The following CD72 variants were observed in gnomAD, a reference collection of about 807,000 sequenced individuals.
CD72 encodes CD72 molecule, also known as B-cell differentiation antigen CD72.
A neutral mutation model predicts 50.7 loss-of-function variants in CD72; 28 were observed. The observed-to-expected ratio is 0.55, with a 90% CI of 0.41 to 0.76. The LOEUF (loss-of-function observed/expected upper bound fraction) is 0.76, where lower values mean the gene tolerates loss of function less well. Among genes scored for constraint, CD72 ranks in the 30% least tolerant of loss-of-function variants. The probability of loss-of-function intolerance (pLI) is 0.00; values close to 1 mark genes in which losing one functional copy is unlikely to be tolerated. For synonymous variants in CD72, 176 were observed against 171.2 expected (o/e 1.03, Z -0.22); for missense variants, 403 against 420.6 (o/e 0.96, Z 0.37).
intron 6 of CD72, 116 bp from the exon 7 acceptor site, chr9:35,612,035 C>T: frequency 1.6e-6 from 1 of 621,510 alleles, no homozygotes; most frequent in Admixed American, 2.7e-5. Context: ...TATGACAGCT[C>T]TTTGGTAACT....
chr9:35,618,790 A>G, upstream of CD72: 1 of 1,286,586 alleles, frequency 7.8e-7, no homozygotes, highest in Non-Finnish European at 1.0e-6. Context: ...TCCCCATGAG[A>G]CTGGGGGTTC....
chr9:35,622,078 A>G (rs563113708), upstream of CD72, among the ~76,000 whole-genome samples: 1 of 152,388 alleles, frequency 6.6e-6, no homozygotes, highest in African/African-American at 2.4e-5. Flanking sequence ...TAAAGAGACC[A>G]GCCTTGCCAC....
intron 1 of CD72, among the ~76,000 whole-genome samples, chr9:35,639,156 C>A (rs1470449999): frequency 2.6e-5 from 4 of 151,648 alleles, no homozygotes; most frequent in East Asian, 1.9e-4. Context: ...AATTGATGAG[C>A]AAAGTACTGG....
rs770085314 is a variant in CD72, at chr9:35,617,233, G to C, written c.205C>G (p.Gln69Glu). 5 of 1,559,812 alleles carry C rather than the reference G, an allele frequency of 3.2e-6. No individual in the cohort carries two copies. Among genetic ancestry groups the C allele is most frequent in the Non-Finnish European group, 4.3e-6 (5 of 1,151,796 alleles). ...LGDKAAVKSE[Q>E]PTASWRAVTS... ...ACGGCTCTCCAGGACGCAGTTGGCT[G>C]CTCCGACTTGACCGCTGTCGAGGGG... The change falls in exon 3 of 9, where the codon CAG becomes GAG. Residue 69 changes from glutamine to glutamate, a missense_variant. Gln to Glu is a conservative substitution (Grantham distance 29). Coordinates refer to ENST00000259633, the MANE Select transcript of CD72 (RefSeq NM_001782.3).
intron 5 of CD72, among the ~76,000 whole-genome samples, chr9:35,615,456 T>C (rs1823049823): frequency 6.6e-6 from 1 of 152,068 alleles, no homozygotes; most frequent in African/African-American, 2.4e-5. Flanking sequence ...AACTCCCAGC[T>C]CCACCTCACT....
intron 1 of CD72, among the ~76,000 whole-genome samples, chr9:35,644,786 T>C (rs1055998322): frequency 6.6e-6 from 1 of 151,650 alleles, no homozygotes; most frequent in Non-Finnish European, 1.5e-5. Flanking sequence ...GGGCAATAAG[T>C]GAAGACATCA....
intron 1 of CD72, among the ~76,000 whole-genome samples, chr9:35,630,334 G>A (rs556830886): frequency 2.0e-5 from 3 of 152,104 alleles, no homozygotes; most frequent in South Asian, 2.1e-4. Flanking sequence ...CACCGCACCC[G>A]GCTGCTAAAG....
chr9:35,644,042 G>GAAA (rs200019244), intron 1 of CD72, among the ~76,000 whole-genome samples: 23 of 130,176 alleles, frequency 1.8e-4, no homozygotes, highest in Admixed American at 8.6e-4. Context: ...TCCTGAAAAG[G>GAAA]AAAAAAAAAA....
chr9:35,625,314 C>G (rs946518431), intron 1 of CD72, among the ~76,000 whole-genome samples: 3 of 152,148 alleles, frequency 2.0e-5, no homozygotes, highest in African/African-American at 7.2e-5. Flanking sequence ...AAGATCAAAC[C>G]AGCTACAACA....
At chr9:35,617,344 G>A (rs1306041247) in intron 2 of CD72, 97 bp from the exon 3 acceptor site, 2 of 1,385,768 alleles carry the variant, frequency 1.4e-6, no homozygotes, top group East Asian at 2.5e-5. Flanking sequence ...GGAAACTCCA[G>A]TCTGCCCTAC....
upstream of CD72, chr9:35,618,919 G>T: frequency 2.5e-6 from 1 of 400,766 alleles, no homozygotes; most frequent in East Asian, 7.5e-5. Flanking sequence ...CTCTGGAAAG[G>T]CAAGTGGCAG....
chr9:35,644,938 A>T (rs1823374408), intron 1 of CD72, among the ~76,000 whole-genome samples: 1 of 54,090 alleles, frequency 1.8e-5, no homozygotes, highest in Non-Finnish European at 5.4e-5. Flanking sequence ...GCGGTGGCTC[A>T]CGCCTGTAAT....
chr9:35,617,613 C>G (rs1445215436), intron 2 of CD72, among the ~76,000 whole-genome samples: 1 of 152,126 alleles, frequency 6.6e-6, no homozygotes, highest in Non-Finnish European at 1.5e-5. Context: ...TCATCCCCCA[C>G]AGGGCTGCCC....
upstream of CD72, among the ~76,000 whole-genome samples, chr9:35,620,207 G>A (rs928339934): frequency 7.2e-5 from 11 of 152,096 alleles, no homozygotes; most frequent in Admixed American, 7.2e-4. Context: ...ATACACAGGT[G>A]AACATGATGT....
chr9:35,644,096 CA>C (rs1823364877), intron 1 of CD72, among the ~76,000 whole-genome samples: 1 of 151,516 alleles, frequency 6.6e-6, no homozygotes, highest in Non-Finnish European at 1.5e-5. Context: ...CCTGTAATCC[CA>C]ACACTTTGGG....
intron 5 of CD72, among the ~76,000 whole-genome samples, chr9:35,613,672 C>T (rs1410780864): frequency 6.6e-6 from 1 of 152,134 alleles, no homozygotes. Flanking sequence ...CCCTGCTACT[C>T]CCTTGAGCTA....
At chr9:35,643,642 G>A (rs555200498) in intron 1 of CD72, 7 of 152,314 alleles carry the variant, frequency 4.6e-5, no homozygotes, top group African/African-American at 1.7e-4. Context: ...GGATCAAGCC[G>A]AAAGGGAGTG....
rs1481711325 is a variant in CD72 at position 35,610,213 on chromosome 9, G to A, written c.*110C>T. On this transcript the variant is annotated 3_prime_UTR_variant, in exon 9 of 9. Coordinates refer to ENST00000259633, the MANE Select transcript of CD72 (RefSeq NM_001782.3). ...TCAGGTGTGGGTCAGCCGGTGGCTGGGCACTGCCCAGAATGAAGGAGATGG... is the reference window on the plus strand; with the variant it reads ...TCAGGTGTGGGTCAGCCGGTGGCTGAGCACTGCCCAGAATGAAGGAGATGG... 7 of 197,698 alleles carry A rather than the reference G, an allele frequency of 3.5e-5. No homozygotes were observed. In the South Asian group the frequency reaches 3.8e-4, roughly 11 times the overall value. 12.2% of individuals were successfully genotyped at this position (197,698 alleles called of 1,614,324 possible). A position where few individuals can be genotyped will look rare whatever the true frequency, so the allele number is the denominator to read the frequency against.
In CD72 at chr9:35,614,034, GA is replaced by G. The variant is rs755321251; in HGVS notation, c.689-1042del. ...ACTCCGCCTCAAAAAAAAAAAAAAA[GA>G]AATCTGTATGGCCAAATGGAAGAGG... is the stretch of plus-strand genomic sequence containing the variant. On this transcript the variant is annotated intron_variant, in intron 5 of 8. Transcript: ENST00000259633. 2.7e-5 allele frequency among the ~76,000 whole-genome samples: 4 copies of G among 150,266 alleles called. 1 individual carries two copies. Among genetic ancestry groups the G allele is most frequent in the Admixed American group, 6.6e-5 (1 of 15,076 alleles).
Sources: gnomAD v4.1 joint callset for allele counts (sites outside exome capture counted in the v4.1 genomes callset) on GRCh38, gnomAD v4.1.1 for gene constraint, MANE v1.5 for transcripts, NCBI Gene and HGNC (gene_info 2026-07-23, HGNC 2026-07-21) for gene names.